WNT7A: variants seen among roughly 807,000 people sequenced by gnomAD.
The protein encoded by WNT7A is Wnt family member 7A, also known as protein Wnt-7a.
Under a neutral mutation model 28.2 loss-of-function variants are expected in WNT7A, and 16 were observed. That is an observed-to-expected ratio of 0.57 (90% CI 0.38 to 0.86). The LOEUF is 0.86. Ranked by LOEUF, WNT7A falls within the 40% of genes least tolerant of loss-of-function variation. WNT7A has a pLI of 0.00. For missense variants in WNT7A, 411 were observed against 489.7 expected, an observed-to-expected ratio of 0.84 and a Z score of 1.52; for synonymous variants, 190 against 195.9, an observed-to-expected ratio of 0.97 and a Z score of 0.25.
At chr3:13,848,229 A>T (rs1486235552) in intron 3 of WNT7A, among the ~76,000 whole-genome samples, 1 of 152,198 alleles carries the variant, frequency 6.6e-6, no homozygotes, top group African/African-American at 2.4e-5. Context: ...ATCAGTTAAA[A>T]CTTATCAAGG....
At chr3:13,860,589 A>T (rs1401596498) in intron 2 of WNT7A, among the ~76,000 whole-genome samples, 1 of 152,118 alleles carries the variant, frequency 6.6e-6, no homozygotes, top group East Asian at 1.9e-4. Context: ...TCCTTTACTC[A>T]TCCTAGGTAA....
rs113072050 is a variant in WNT7A at position 13,866,292 on chromosome 3, C to T, written c.298+8655G>A. 8.6e-3 allele frequency among the ~76,000 whole-genome samples: 1,309 copies of T among 152,244 alleles called. 18 individuals carry two copies. Among genetic ancestry groups the T allele is most frequent in the African/African-American group, 0.03 (1,247 of 41,560 alleles). On this transcript the variant is annotated intron_variant, in intron 2 of 3. Coordinates refer to ENST00000285018, the MANE Select transcript of WNT7A (RefSeq NM_004625.4). Reference sequence around the variant, plus strand: ...ACAGACAATAATAACAACACAGCTACGATGTATGGGGCACTTCCTGTGTGC... The same window carrying T: ...ACAGACAATAATAACAACACAGCTATGATGTATGGGGCACTTCCTGTGTGC...
intron 2 of WNT7A, among the ~76,000 whole-genome samples, chr3:13,871,142 A>G (rs2124876871): frequency 6.6e-6 from 1 of 152,352 alleles, no homozygotes; most frequent in South Asian, 2.1e-4. Context: ...GGCCAATGAT[A>G]TGTAAGCAGA....
intron 2 of WNT7A, among the ~76,000 whole-genome samples, chr3:13,860,498 C>A (rs976136945): frequency 6.6e-6 from 1 of 152,170 alleles, no homozygotes; most frequent in African/African-American, 2.4e-5. Flanking sequence ...GCTTGCTGAG[C>A]TGAGAACAGG....
intron 3 of WNT7A, among the ~76,000 whole-genome samples, chr3:13,850,721 T>C (rs1694619790): frequency 6.6e-6 from 1 of 151,904 alleles, no homozygotes; most frequent in Non-Finnish European, 1.5e-5. Flanking sequence ...TGCACTTCTC[T>C]CTCTGTACAG....
At chr3:13,841,753 C>T (rs1003150204) in intron 3 of WNT7A, among the ~76,000 whole-genome samples, 1 of 152,198 alleles carries the variant, frequency 6.6e-6, no homozygotes, top group Non-Finnish European at 1.5e-5. Context: ...TTTTCCCAGC[C>T]ACACTGGGAT....
intron 3 of WNT7A, among the ~76,000 whole-genome samples, chr3:13,841,586 C>T (rs1222745048): frequency 6.6e-6 from 1 of 152,170 alleles, no homozygotes; most frequent in Non-Finnish European, 1.5e-5. Context: ...AGAACAGTGC[C>T]TGGAGTAAGA....
At position 13,854,624 on chromosome 3, in the gene WNT7A, T is replaced by C. The variant is rs1289404871; in HGVS notation, c.478A>G (p.Ile160Val). Residue 160 changes from isoleucine to valine, a missense_variant, in exon 3 of 4, where the codon ATC becomes GTC. Coordinates refer to ENST00000285018, the MANE Select transcript of WNT7A (RefSeq NM_004625.4). Reference sequence around the variant, plus strand: ...TCCACAAAGACCTTGGCGAAGCCGATGCCGTAGCGGATGTCGGCAGAGCAG... The same window carrying C: ...TCCACAAAGACCTTGGCGAAGCCGACGCCGTAGCGGATGTCGGCAGAGCAG... ...GGCSADIRYG[I>V]GFAKVFVDAR... is the part of the protein sequence containing the mutation. The C allele has an allele frequency of 1.9e-6, 3 of 1,614,106 alleles. No individual in the cohort carries two copies. The highest frequency in any genetic ancestry group is 1.7e-6 in the Non-Finnish European group (2 of 1,180,056).
rs1463784169 is a variant in WNT7A, at chr3:13,818,008, T to C, written c.*936A>G. ...GAATCCAGCTGTGCAAGGGGCCCCA[T>C]GGGGCCTGACGCCACAACCAGGCAT... On this transcript the variant is annotated 3_prime_UTR_variant, in exon 4 of 4. Transcript: ENST00000285018. 1 of 152,174 alleles carries C rather than the reference T, an allele frequency of 6.6e-6. No individual in the cohort carries two copies. The highest frequency in any genetic ancestry group is 6.5e-5 in the Admixed American group (1 of 15,280). 9.4% of individuals were successfully genotyped at this position (152,174 alleles called of 1,614,324 possible). A position where few individuals can be genotyped will look rare whatever the true frequency, so the allele number is the denominator to read the frequency against.
At chr3:13,868,148 G>A (rs1341474026) in intron 2 of WNT7A, among the ~76,000 whole-genome samples, 2 of 152,122 alleles carry the variant, frequency 1.3e-5, no homozygotes, top group Non-Finnish European at 2.9e-5. Flanking sequence ...GCTCACAAAC[G>A]TGGATGACAA....
chr3:13,833,403 C>A (rs949899825), intron 3 of WNT7A, among the ~76,000 whole-genome samples: 13 of 152,204 alleles, frequency 8.5e-5, no homozygotes, highest in Non-Finnish European at 1.3e-4. Flanking sequence ...ATGAAGGGAG[C>A]CCATATGGTG....
chr3:13,869,655 G>GAAAC (rs1261251731), intron 2 of WNT7A, among the ~76,000 whole-genome samples: 1 of 145,494 alleles, frequency 6.9e-6, no homozygotes, highest in African/African-American at 2.5e-5. Context: ...AAAGTAGAAA[G>GAAAC]AAAGAGGGAA....
intron 3 of WNT7A, among the ~76,000 whole-genome samples, chr3:13,850,407 AG>A (rs1694610604): frequency 6.6e-6 from 1 of 152,122 alleles, no homozygotes; most frequent in African/African-American, 2.4e-5. Context: ...CGGCCAGGGC[AG>A]GGGTGGGAAT....
chr3:13,878,420 G>A (rs1695145670), intron 1 of WNT7A, among the ~76,000 whole-genome samples: 2 of 152,198 alleles, frequency 1.3e-5, no homozygotes, highest in South Asian at 4.2e-4. Context: ...TAAAGCAGGG[G>A]AAAAAAAGGA....
chr3:13,863,032 C>A (rs1694855064), intron 2 of WNT7A, among the ~76,000 whole-genome samples: 1 of 152,206 alleles, frequency 6.6e-6, no homozygotes, highest in Non-Finnish European at 1.5e-5. Context: ...CCTCTCAAGG[C>A]CTCAGTTTCC....
In WNT7A at chr3:13,818,621, AT is replaced by A. The variant is rs1271908916; in HGVS notation, c.*322del. The A allele has an allele frequency of 5.8e-6, 1 of 171,620 alleles. No homozygotes were observed. The highest frequency in any genetic ancestry group is 2.4e-5 in the African/African-American group (1 of 42,238). 10.6% of individuals were successfully genotyped at this position (171,620 alleles called of 1,614,324 possible). ...CTTTTTAATTAAATAAATTAATATTATTTTTATCAGAATAAATTGTTAAATA... is the reference window on the plus strand; with the variant it reads ...CTTTTTAATTAAATAAATTAATATTATTTTATCAGAATAAATTGTTAAATA... On this transcript the variant is annotated 3_prime_UTR_variant, in exon 4 of 4. Transcript: ENST00000285018.
intron 2 of WNT7A, chr3:13,863,960 A>G (rs1694872380): frequency 6.6e-6 from 1 of 152,212 alleles, no homozygotes; most frequent in South Asian, 2.1e-4. Flanking sequence ...GACAAATTCT[A>G]CAGAGGCAGA....
chr3:13,851,166 C>G (rs1156842176), intron 3 of WNT7A, among the ~76,000 whole-genome samples: 1 of 152,230 alleles, frequency 6.6e-6, no homozygotes, highest in African/African-American at 2.4e-5. Flanking sequence ...GTGGCCACAG[C>G]CCCTTCACTC....
At chr3:13,846,385 A>T (rs1434612550) in intron 3 of WNT7A, among the ~76,000 whole-genome samples, 1 of 152,046 alleles carries the variant, frequency 6.6e-6, no homozygotes, top group Non-Finnish European at 1.5e-5. Flanking sequence ...TGAGGTTAAG[A>T]CCTGGATCTG....
Sources: allele counts gnomAD v4.1 joint callset (sites outside exome capture counted in the v4.1 genomes callset), GRCh38; gene constraint gnomAD v4.1.1; transcripts MANE v1.5; gene names NCBI Gene and HGNC (gene_info 2026-07-23, HGNC 2026-07-21).